The following AHSA1 variants were observed in gnomAD, a reference collection of about 807,000 sequenced individuals.
The protein encoded by AHSA1 is activator of HSP90 ATPase activity 1.
In AHSA1, 14 loss-of-function variants were observed where a neutral mutation model predicts 46.1. The ratio of observed to expected loss-of-function variants is 0.30; its 90% CI spans 0.20 to 0.47. The LOEUF (loss-of-function observed/expected upper bound fraction) is 0.47, where lower values mean the gene tolerates loss of function less well. AHSA1 is among the 20% of genes least tolerant of loss of function. The pLI is 0.99. For missense variants in AHSA1, 333 were observed against 415.9 expected, an observed-to-expected ratio of 0.80 and a Z score of 1.73; for synonymous variants, 147 against 145.8, an observed-to-expected ratio of 1.01 and a Z score of -0.06.
Position 77,458,197 on chromosome 14 carries a change from A to G in AHSA1, c.8A>G (p.Lys3Arg), listed in dbSNP as rs372954318. 6.5e-7 allele frequency: 1 copy of G among 1,534,394 alleles called. No homozygotes were observed. The highest frequency in any genetic ancestry group is 8.8e-7 in the Non-Finnish European group (1 of 1,141,530). The change falls in exon 1 of 9, where the codon AAG (lysine) becomes AGG (arginine). Residue 3 changes from lysine (K) to arginine (R), a missense_variant. Lys to Arg is a conservative substitution (Grantham distance 26, BLOSUM62 2). Transcript: ENST00000216479. MA[K>R]WGEGDPRWIV... Reference sequence around the variant, plus strand: ...GCCGCGATAGGAGAGCCGATGGCCAAGTGGGGTGAGGGAGACCCACGCTGG... The same window carrying G: ...GCCGCGATAGGAGAGCCGATGGCCAGGTGGGGTGAGGGAGACCCACGCTGG...
Position 77,469,222 on chromosome 14 carries a change from C to T in AHSA1, c.990C>T (p.Thr330=), listed in dbSNP as rs2079062942. 1 of 1,613,844 alleles carries T rather than the reference C, an allele frequency of 6.2e-7. No homozygotes were observed. The highest frequency in any genetic ancestry group is 1.7e-5 in the Admixed American group (1 of 59,986). Residue 330 remains threonine, a synonymous_variant, in exon 9 of 9, where the codon ACC becomes ACT. Coordinates refer to ENST00000216479, the MANE Select transcript of AHSA1 (RefSeq NM_012111.3). ...QRYYFEGIKQ[T]FGYGARLF ...ACTACTTTGAGGGCATTAAACAGAC[C>T]TTTGGCTATGGCGCACGCTTATTTT... is the stretch of plus-strand genomic sequence containing the variant.
rs371008993 is a variant in AHSA1, at chr14:77,465,667, G to C, written c.690G>C (p.Glu230Asp). 10 of 1,613,304 alleles carry C rather than the reference G, an allele frequency of 6.2e-6. No individual in the cohort carries two copies. The highest frequency in any genetic ancestry group is 5.1e-6 in the Non-Finnish European group (6 of 1,179,398). ...EELYRVFTTQ[E>D]LVQAFTHAPA... The stretch of plus-strand genomic sequence containing the variant: ...TCTATAGAGTGTTTACCACCCAAGA[G>C]GTAAGTAAGTCTTGTCCTTCAGGCC... The change falls in exon 6 of 9, where the codon GAG becomes GAC. Residue 230 changes from glutamate to aspartate, a missense_variant and splice_region_variant. Physicochemically the swap from Glu to Asp is conservative, Grantham distance 45. Coordinates refer to ENST00000216479, the MANE Select transcript of AHSA1 (RefSeq NM_012111.3).
intron 8 of AHSA1, 53 bp downstream of exon 8, chr14:77,468,561 A>ATT: frequency 3.0e-6 from 4 of 1,340,872 alleles, no homozygotes; most frequent in South Asian, 1.3e-5. Flanking sequence ...TCTTTGCTGT[A>ATT]ATTTTTTTTT....
chr14:77,464,381 A>T (rs116311321), intron 4 of AHSA1, among the ~76,000 whole-genome samples: 4,493 of 152,198 alleles, frequency 0.03, 218 homozygotes, highest in African/African-American at 0.1. Context: ...CTCAAAAAAA[A>T]AATAATAATA....
At chr14:77,464,260 C>T (rs537106357) in intron 4 of AHSA1, among the ~76,000 whole-genome samples, 4 of 152,172 alleles carry the variant, frequency 2.6e-5, no homozygotes, top group Non-Finnish European at 4.4e-5. Context: ...GCCTATAATC[C>T]GAGCTACTCA....
chr14:77,462,137 T>G, intron 2 of AHSA1, 23 bp from the exon 3 acceptor site: 16 of 1,571,832 alleles, frequency 1.0e-5, no homozygotes, highest in African/African-American at 2.7e-5. Flanking sequence ...AGTGGACTAA[T>G]GACATTGCAT....
chr14:77,461,114 G>A (rs766644844), intron 2 of AHSA1, among the ~76,000 whole-genome samples: 3 of 151,694 alleles, frequency 2.0e-5, no homozygotes, highest in Admixed American at 6.6e-5. Context: ...AGCTGGGATC[G>A]CACCGTTGCA....
intron 2 of AHSA1, among the ~76,000 whole-genome samples, chr14:77,460,991 C>G (rs2079020792): frequency 6.7e-6 from 1 of 148,258 alleles, no homozygotes. Flanking sequence ...AACCCCGTCT[C>G]TACTAAAAAT....
In AHSA1 at chr14:77,465,590, C is replaced by T. The variant is rs780308322; in HGVS notation, c.613C>T (p.Pro205Ser). 4 of 1,613,932 alleles carry T rather than the reference C, an allele frequency of 2.5e-6. No individual in the cohort carries two copies. Among genetic ancestry groups the T allele is most frequent in the Non-Finnish European group, 3.4e-6 (4 of 1,179,892 alleles). ...GGCCAGACCTGTTGGAGTCAAAATC[C>T]CCACTTGTAAGATCACTCTTAAGGA... ...TQARPVGVKI[P>S]TCKITLKETF... Residue 205 changes from proline to serine, a missense_variant, in exon 6 of 9, where the codon CCC becomes TCC. By Grantham distance (74) the Pro-to-Ser change is moderately conservative. Coordinates refer to ENST00000216479, the MANE Select transcript of AHSA1 (RefSeq NM_012111.3).
chr14:77,458,325 C>G (rs748771259), intron 1 of AHSA1, 56 bp downstream of exon 1: 2 of 1,522,928 alleles, frequency 1.3e-6, no homozygotes, highest in Non-Finnish European at 1.8e-6. Context: ...GCCAGGGTTT[C>G]AGGGTTCCTA....
chr14:77,465,086 C>CA (rs1177428674), intron 5 of AHSA1, among the ~76,000 whole-genome samples: 3 of 152,198 alleles, frequency 2.0e-5, no homozygotes, highest in Non-Finnish European at 4.4e-5. Context: ...CCAATCTCCC[C>CA]AATTTTCAGG....
intron 2 of AHSA1, 21 bp downstream of exon 2, chr14:77,459,827 C>T: frequency 6.2e-7 from 1 of 1,612,812 alleles, no homozygotes; most frequent in Non-Finnish European, 8.5e-7. Flanking sequence ...GCTGGGCTGT[C>T]AGAGAGATTA....
At position 77,458,103 on chromosome 14, in the gene AHSA1, AG is replaced by A; in HGVS notation, c.-85del. ...CTTGCGGCCGCTTCTAGTAGTTTCCAGGCGCTGCCGGGCGGCTGGCACTAAG... is the reference window on the plus strand; with the variant it reads ...CTTGCGGCCGCTTCTAGTAGTTTCCAGCGCTGCCGGGCGGCTGGCACTAAG... On this transcript the variant is annotated 5_prime_UTR_variant, in exon 1 of 9. Coordinates refer to ENST00000216479, the MANE Select transcript of AHSA1 (RefSeq NM_012111.3). 4.8e-6 allele frequency: 6 copies of A among 1,253,924 alleles called. No homozygotes were observed. The highest frequency in any genetic ancestry group is 6.4e-6 in the Non-Finnish European group (6 of 941,950). 77.7% of individuals were successfully genotyped at this position (1,253,924 alleles called of 1,614,324 possible).
Position 77,468,745 on chromosome 14 carries a change from T to TTTTA in AHSA1, c.844+237_844+238insTTTA, listed in dbSNP as rs1555369863. On this transcript the variant is annotated intron_variant, in intron 8 of 8. Coordinates refer to ENST00000216479, the MANE Select transcript of AHSA1 (RefSeq NM_012111.3). ...GCTTTTTTTTTTTTTTTTTTTTTTT[T>TTTTA]ACTTTTTTACTTTTTTTGTAGAGAT... 7 of 358,150 alleles carry TTTTA rather than the reference T, an allele frequency of 2.0e-5. No homozygotes were observed. The Admixed American group carries it at 2.4e-4, about 12-fold the overall frequency. The allele number at this position is 358,150 out of a possible 1,614,324, so 22.2% of individuals were successfully genotyped here. A position where few individuals can be genotyped will look rare whatever the true frequency, so the allele number is the denominator to read the frequency against.
chr14:77,459,577 G>T (rs1036817073), intron 1 of AHSA1, 39 bp from the exon 2 acceptor site: 1 of 1,607,918 alleles, frequency 6.2e-7, no homozygotes, highest in East Asian at 2.2e-5. Flanking sequence ...CGTATCCTCC[G>T]TTTGACTGCT....
chr14:77,461,514 A>C (rs1421066010), intron 2 of AHSA1, among the ~76,000 whole-genome samples: 1 of 152,104 alleles, frequency 6.6e-6, no homozygotes, highest in Non-Finnish European at 1.5e-5. Context: ...TGAGCGACAG[A>C]GCAAGACTCT....
intron 1 of AHSA1, among the ~76,000 whole-genome samples, chr14:77,458,840 A>T (rs1280807456): frequency 6.6e-6 from 1 of 152,096 alleles, no homozygotes; most frequent in African/African-American, 2.4e-5. Flanking sequence ...GTGGTTTTAT[A>T]ACCTGACCGT....
chr14:77,469,177 G>A lies in AHSA1; in HGVS notation c.945G>A (p.Thr315=), dbSNP rs7250. 0.52 allele frequency: 831,955 copies of A among 1,613,784 alleles called. 224,293 individuals carry two copies. The highest frequency in any genetic ancestry group is 0.93 in the East Asian group (41,792 of 44,846). Residue 315 remains threonine, a synonymous_variant, in exon 9 of 9, where the codon ACG becomes ACA. Transcript: ENST00000216479. The part of the protein sequence containing the change: ...RGIPAPEEER[T]RQGWQRYYFE... ...TCCCTGCTCCTGAGGAAGAGCGGAC[G>A]CGACAGGGCTGGCAGCGGTACTACT...
chr14:77,462,133 C>T (rs12436593), intron 2 of AHSA1, 27 bp from the exon 3 acceptor site: 804,723 of 1,553,930 alleles, frequency 0.52, 216,092 homozygotes, highest in East Asian at 0.93. Context: ...AAGGAGTGGA[C>T]TAATGACATT....
Sources: gnomAD v4.1 joint callset for allele counts (sites outside exome capture counted in the v4.1 genomes callset) on GRCh38, gnomAD v4.1.1 for gene constraint, MANE v1.5 for transcripts, NCBI Gene and HGNC (gene_info 2026-07-23, HGNC 2026-07-21) for gene names.